SLCO3A1: variants seen among roughly 807,000 people sequenced by gnomAD.
SLCO3A1 encodes the protein PGE1 transporter.
SLCO3A1 carries 27 observed loss-of-function variants against 63.1 expected under a neutral mutation model. That is an observed-to-expected ratio of 0.43 (90% CI 0.32 to 0.59). The LOEUF is 0.59. SLCO3A1 is among the 20% of genes least tolerant of loss of function. SLCO3A1 has a pLI of 0.09. For missense variants in SLCO3A1, 773 were observed against 945.8 expected, an observed-to-expected ratio of 0.82 and a Z score of 2.40; for synonymous variants, 473 against 409.9, an observed-to-expected ratio of 1.15 and a Z score of -1.86.
Position 91,853,929 on chromosome 15 carries a change from C to A in SLCO3A1, c.21C>A (p.Gly7=), listed in dbSNP as rs868358689. The part of the protein sequence containing the change: MQGKKP[G]GSSGGGRSGE... ...GAAGGATGCAGGGGAAGAAGCCGGGCGGTTCGTCGGGCGGCGGCCGGAGCG... is the reference window on the plus strand; with the variant it reads ...GAAGGATGCAGGGGAAGAAGCCGGGAGGTTCGTCGGGCGGCGGCCGGAGCG... Residue 7 remains glycine (G), a synonymous_variant, in exon 1 of 10, where the codon GGC becomes GGA. Transcript: ENST00000318445. The A allele has an allele frequency of 2.1e-6, 3 of 1,451,902 alleles. No individual in the cohort carries two copies. The highest frequency in any genetic ancestry group is 2.4e-5 in the Admixed American group (1 of 41,180). The allele number at this position is 1,451,902 out of a possible 1,614,324, so 89.9% of individuals were successfully genotyped here.
chr15:92,112,794 T>G (rs1475323290), intron 4 of SLCO3A1, among the ~76,000 whole-genome samples: 2 of 152,230 alleles, frequency 1.3e-5, no homozygotes, highest in Admixed American at 6.5e-5. Flanking sequence ...TGCTGTAAAC[T>G]CAACACTTGA....
At chr15:92,125,862 G>C (rs1445415044) in intron 5 of SLCO3A1, among the ~76,000 whole-genome samples, 199 bp from the exon 6 acceptor site, 2 of 151,794 alleles carry the variant, frequency 1.3e-5, no homozygotes, top group East Asian at 2.0e-4. Flanking sequence ...CTTTATGTCT[G>C]TCTCCCCCAG....
intron 2 of SLCO3A1, among the ~76,000 whole-genome samples, chr15:92,012,828 C>A (rs1195641079): frequency 6.6e-6 from 1 of 150,812 alleles, no homozygotes; most frequent in African/African-American, 2.4e-5. Context: ...AGAGCATCCC[C>A]AAGGAGCTAG....
rs144090984 is a variant in SLCO3A1 at position 91,910,873 on chromosome 15, C to T, written c.181-5120C>T. On this transcript the variant is annotated intron_variant, in intron 1 of 9. Coordinates refer to ENST00000318445, the MANE Select transcript of SLCO3A1 (RefSeq NM_013272.4). ...TGTTTTTCAAAAGCTCAGGTGATGC[C>T]AGTTCAGGCCAAGGCCCCGCCACCC... Among the ~76,000 whole-genome samples, 532 of 152,330 alleles carry T rather than the reference C, an allele frequency of 3.5e-3. 3 individuals carry two copies. Among genetic ancestry groups the T allele is most frequent in the African/African-American group, 0.012 (508 of 41,580 alleles).
At chr15:91,892,119 G>A (rs902400600) in intron 1 of SLCO3A1, among the ~76,000 whole-genome samples, 5 of 152,142 alleles carry the variant, frequency 3.3e-5, no homozygotes, top group African/African-American at 1.2e-4. Context: ...AATATGATGT[G>A]TAATCTCCCC....
intron 2 of SLCO3A1, among the ~76,000 whole-genome samples, chr15:92,056,716 C>T (rs1029655697): frequency 1.3e-5 from 2 of 152,146 alleles, no homozygotes; most frequent in African/African-American, 2.4e-5. Context: ...TTCACTTTTC[C>T]GCTGAGAAAA....
At chr15:92,117,377 C>A (rs1228390433) in intron 4 of SLCO3A1, among the ~76,000 whole-genome samples, 2 of 152,142 alleles carry the variant, frequency 1.3e-5, no homozygotes, top group East Asian at 3.9e-4. Context: ...CTCCAGGAGT[C>A]CTAGACTCTG....
chr15:92,081,016 C>A (rs1231451445), intron 2 of SLCO3A1, among the ~76,000 whole-genome samples: 1 of 145,668 alleles, frequency 6.9e-6, no homozygotes, highest in African/African-American at 2.5e-5. Flanking sequence ...TGACACAGGC[C>A]TACAATGTGC....
intron 2 of SLCO3A1, among the ~76,000 whole-genome samples, chr15:91,924,488 A>C (rs1399894459): frequency 6.6e-6 from 1 of 152,216 alleles, no homozygotes; most frequent in Non-Finnish European, 1.5e-5. Context: ...AAGACCATCA[A>C]TTTCAAATTG....
At chr15:92,030,188 G>T (rs117766621) in intron 2 of SLCO3A1, among the ~76,000 whole-genome samples, 2 of 152,234 alleles carry the variant, frequency 1.3e-5, no homozygotes, top group African/African-American at 4.8e-5. Context: ...TGCCCCAAAG[G>T]GTTAGTTGGT....
chr15:92,029,758 G>A (rs1333908066), intron 2 of SLCO3A1, among the ~76,000 whole-genome samples: 3 of 143,310 alleles, frequency 2.1e-5, no homozygotes. Flanking sequence ...AAGGTGAATG[G>A]CCTCTGGCCC....
chr15:91,955,749 T>C (rs544874427), intron 2 of SLCO3A1, among the ~76,000 whole-genome samples: 1 of 152,346 alleles, frequency 6.6e-6, no homozygotes, highest in South Asian at 2.1e-4. Flanking sequence ...TCCCTCTTCA[T>C]GGCCATCATG....
intron 2 of SLCO3A1, among the ~76,000 whole-genome samples, chr15:92,000,939 G>A (rs1465565782): frequency 1.3e-5 from 2 of 152,076 alleles, no homozygotes; most frequent in Admixed American, 1.3e-4. Context: ...TTGTACATTG[G>A]CTGTTCATTT....
intron 2 of SLCO3A1, among the ~76,000 whole-genome samples, chr15:92,035,768 C>T (rs1266238556): frequency 2.8e-4 from 43 of 151,776 alleles, no homozygotes; most frequent in Admixed American, 2.8e-3. Context: ...CTTCCCAGCC[C>T]AGAAAAGGCA....
intron 2 of SLCO3A1, among the ~76,000 whole-genome samples, chr15:91,966,495 G>A (rs1283555709): frequency 1.3e-5 from 2 of 152,184 alleles, no homozygotes; most frequent in Non-Finnish European, 2.9e-5. Flanking sequence ...CAGGGTACAT[G>A]GGACAGAAAA....
At chr15:91,951,879 G>A (rs368668053) in intron 2 of SLCO3A1, among the ~76,000 whole-genome samples, 85 of 152,206 alleles carry the variant, frequency 5.6e-4, no homozygotes, top group African/African-American at 1.7e-3. Context: ...CTGTGCGAAC[G>A]TGCATTTTTG....
In SLCO3A1 at chr15:91,941,667, T is replaced by C. The variant is rs1055381724; in HGVS notation, c.646+25209T>C. On this transcript the variant is annotated intron_variant, in intron 2 of 9. Transcript: ENST00000318445. This position sits in a 1 kb window ranked among gnomAD's most constrained non-coding sequence, Gnocchi z 4.4. Reference sequence around the variant, plus strand: ...TACTTTTTCTTACTCGGGATGTTTGTTTCTCTTTGTCTTTAAAAAAATTAT... The same window carrying C: ...TACTTTTTCTTACTCGGGATGTTTGCTTCTCTTTGTCTTTAAAAAAATTAT... 1.0e-5 allele frequency: 4 copies of C among 395,782 alleles called. No homozygotes were observed. The Admixed American group carries it at 1.4e-4, about 14-fold the overall frequency. 24.5% of individuals were successfully genotyped at this position (395,782 alleles called of 1,614,324 possible). A position where few individuals can be genotyped will look rare whatever the true frequency, so the allele number is the denominator to read the frequency against.
intron 2 of SLCO3A1, among the ~76,000 whole-genome samples, chr15:91,934,655 G>T (rs953708553): frequency 1.3e-5 from 2 of 152,258 alleles, no homozygotes; most frequent in Admixed American, 6.5e-5. Flanking sequence ...CAAATCTATG[G>T]GTTTTCTCTT....
At chr15:92,107,746 C>T (rs117549554) in intron 4 of SLCO3A1, among the ~76,000 whole-genome samples, 4,138 of 152,310 alleles carry the variant, frequency 0.027, 85 homozygotes, top group Admixed American at 0.046. Flanking sequence ...AGGAAGAGCC[C>T]TTCCAGCCCC....
Sources: allele counts gnomAD v4.1 joint callset (sites outside exome capture counted in the v4.1 genomes callset), GRCh38; gene constraint gnomAD v4.1.1; non-coding constraint Gnocchi (gnomAD v3.1); transcripts MANE v1.5; gene names NCBI Gene and HGNC (gene_info 2026-07-23, HGNC 2026-07-21).